ARSB: variants seen among roughly 807,000 people sequenced by gnomAD.
ARSB encodes N-acetylgalactosamine-4-sulfatase.
In ARSB, 41 loss-of-function variants were observed where a neutral mutation model predicts 50.9. The ratio of observed to expected loss-of-function variants is 0.81; its 90% CI spans 0.63 to 1.04. The LOEUF (loss-of-function observed/expected upper bound fraction) is 1.04. ARSB is among the 50% of genes least tolerant of loss of function. The probability of loss-of-function intolerance (pLI) is 0.00; values close to 1 mark genes in which losing one functional copy is unlikely to be tolerated. For synonymous variants in ARSB, 269 were observed against 284.8 expected (o/e 0.94, Z 0.56); for missense variants, 672 against 693.3 (o/e 0.97, Z 0.35).
At chr5:78,796,959 G>A (rs1439692858) in intron 6 of ARSB, among the ~76,000 whole-genome samples, 2 of 134,812 alleles carry the variant, frequency 1.5e-5, no homozygotes, top group Non-Finnish European at 3.2e-5. Flanking sequence ...CTCACTGCAA[G>A]CTCCGCCTCC....
chr5:78,865,663 A>C (rs756550595), intron 5 of ARSB, among the ~76,000 whole-genome samples: 10 of 152,314 alleles, frequency 6.6e-5, no homozygotes, highest in South Asian at 2.1e-4. Context: ...AAATTATTCA[A>C]ACTTTTATGC....
At chr5:78,942,174 T>G (rs1264444613) in intron 4 of ARSB, among the ~76,000 whole-genome samples, 1 of 152,208 alleles carries the variant, frequency 6.6e-6, no homozygotes, top group African/African-American at 2.4e-5. Flanking sequence ...CTTCTCTCTT[T>G]TCTTCTTTAT....
chr5:78,792,681 T>A (rs1253623565), intron 6 of ARSB, among the ~76,000 whole-genome samples: 3 of 152,164 alleles, frequency 2.0e-5, no homozygotes, highest in Admixed American at 6.5e-5. Context: ...CTGTGCACCA[T>A]AAGTGCACGG....
At position 78,981,967 on chromosome 5, in the gene ARSB, A is replaced by G. The variant is rs1424627593; in HGVS notation, c.312+2970T>C. ...AGTCTCGCTCTGTCGCCCAGGCCGG[A>G]CTGCGGACTGCAGTGGCGCAATCTC... On this transcript the variant is annotated intron_variant, in intron 1 of 7. Coordinates refer to ENST00000264914, the MANE Select transcript of ARSB (RefSeq NM_000046.5). 8.2e-5 allele frequency among the ~76,000 whole-genome samples: 2 copies of G among 24,504 alleles called. 1 individual carries two copies. The highest frequency in any genetic ancestry group is 2.0e-4 in the Non-Finnish European group (2 of 10,050). The allele number at this position is 24,504 out of a possible 152,430, so 16.1% of individuals were successfully genotyped here.
intron 4 of ARSB, among the ~76,000 whole-genome samples, chr5:78,943,863 T>C (rs1384144936): frequency 1.3e-5 from 2 of 152,248 alleles, no homozygotes; most frequent in East Asian, 3.8e-4. Context: ...GATAGTATCC[T>C]GCAGAGTGTT....
At chr5:78,936,090 CCT>C (rs1173485798) in intron 4 of ARSB, among the ~76,000 whole-genome samples, 1 of 124,104 alleles carries the variant, frequency 8.1e-6, no homozygotes, top group South Asian at 3.1e-4. Context: ...TTCCTCCCCG[CCT>C]CTCTCTCTTT....
intron 1 of ARSB, among the ~76,000 whole-genome samples, chr5:78,979,832 C>G (rs1457188056): frequency 6.6e-6 from 1 of 152,124 alleles, no homozygotes; most frequent in African/African-American, 2.4e-5. Context: ...TATGCTGATA[C>G]AAAAACTTGT....
At chr5:78,851,606 G>T (rs145512842) in intron 5 of ARSB, among the ~76,000 whole-genome samples, 21,201 of 151,982 alleles carry the variant, frequency 0.14, 1,542 homozygotes, top group Middle Eastern at 0.2. Context: ...TTCAATTCCT[G>T]GGTATCTTTG....
At chr5:78,885,408 T>C (rs941318260) in intron 5 of ARSB, 176 bp downstream of exon 5, 3 of 917,964 alleles carry the variant, frequency 3.3e-6, no homozygotes, top group Non-Finnish European at 4.6e-6. Context: ...ATCTCAAATT[T>C]ATAATTTAAA....
At chr5:78,853,099 T>A (rs1321367833) in intron 5 of ARSB, among the ~76,000 whole-genome samples, 1 of 152,262 alleles carries the variant, frequency 6.6e-6, no homozygotes, top group Admixed American at 6.5e-5. Flanking sequence ...GTTGCTGGTG[T>A]GGAACTGCGT....
chr5:78,868,772 A>G (rs887171646), intron 5 of ARSB, among the ~76,000 whole-genome samples: 1 of 141,472 alleles, frequency 7.1e-6, no homozygotes, highest in Non-Finnish European at 1.5e-5. Context: ...CAAAATCACC[A>G]GCTAACATCA....
chr5:78,894,392 G>A (rs576911906), intron 4 of ARSB, among the ~76,000 whole-genome samples: 1 of 152,252 alleles, frequency 6.6e-6, no homozygotes, highest in East Asian at 1.9e-4. Flanking sequence ...TTTATCCTTG[G>A]AACAGAAACA....
intron 2 of ARSB, 92 bp from the exon 3 acceptor site, chr5:78,964,698 T>A (rs1752133991): frequency 2.5e-6 from 3 of 1,203,258 alleles, no homozygotes; most frequent in Admixed American, 1.9e-5. Context: ...TGCAATTGAT[T>A]ACCCGTGACG....
chr5:78,841,168 C>CTACTACTACTACTACTAATAATAA (rs368030435), intron 5 of ARSB, among the ~76,000 whole-genome samples: 1,756 of 131,896 alleles, frequency 0.013, 21 homozygotes, highest in Non-Finnish European at 0.018. Context: ...ACTACTACTA[C>CTACTACTACTACTACTAATAATAA]TAATAATAAT....
chr5:78,782,012 A>C (rs1403458002), intron 6 of ARSB, 38 bp from the exon 7 acceptor site: 4 of 1,613,636 alleles, frequency 2.5e-6, no homozygotes, highest in Non-Finnish European at 3.4e-6. Flanking sequence ...GATCACTGTT[A>C]TTGGAACGTG....
chr5:78,865,689 A>T (rs1746684773), intron 5 of ARSB, among the ~76,000 whole-genome samples: 1 of 152,146 alleles, frequency 6.6e-6, no homozygotes. Flanking sequence ...TTCCCTTATA[A>T]AACTGAATGC....
At chr5:78,895,825 G>A (rs1483544405) in intron 4 of ARSB, among the ~76,000 whole-genome samples, 1 of 152,210 alleles carries the variant, frequency 6.6e-6, no homozygotes, top group Non-Finnish European at 1.5e-5. Flanking sequence ...AATAGATTTA[G>A]CTTAAGCAAT....
intron 1 of ARSB, among the ~76,000 whole-genome samples, chr5:78,979,780 G>A (rs141341247): frequency 2.5e-4 from 38 of 152,226 alleles, no homozygotes; most frequent in South Asian, 1.2e-3. Flanking sequence ...GCAACAATAC[G>A]GCGTTTCACT....
At chr5:78,863,787 T>C (rs922631355) in intron 5 of ARSB, among the ~76,000 whole-genome samples, 5 of 151,998 alleles carry the variant, frequency 3.3e-5, no homozygotes, top group African/African-American at 1.2e-4. Context: ...AGTCACTTCA[T>C]AGTCTTTGCA....
Sources: gnomAD v4.1 joint callset for allele counts (sites outside exome capture counted in the v4.1 genomes callset) on GRCh38, gnomAD v4.1.1 for gene constraint, MANE v1.5 for transcripts, NCBI Gene and HGNC (gene_info 2026-07-23, HGNC 2026-07-21) for gene names.